Variants in ZNF518A observed in about 807,000 individuals in gnomAD.
The protein encoded by ZNF518A is zinc finger protein 518.
A neutral mutation model predicts 102.7 loss-of-function variants in ZNF518A; 47 were observed. That is an observed-to-expected ratio of 0.46 (90% CI 0.36 to 0.58). The LOEUF (loss-of-function observed/expected upper bound fraction) is 0.58. ZNF518A is among the 20% of genes least tolerant of loss of function. The probability of loss-of-function intolerance (pLI) is 0.00; values close to 1 mark genes in which losing one functional copy is unlikely to be tolerated. For synonymous variants in ZNF518A, 652 were observed against 594.6 expected, an observed-to-expected ratio of 1.10 and a Z score of -1.40; for missense variants, 1,793 against 1,699.8, an observed-to-expected ratio of 1.05 and a Z score of -0.96.
At chr10:96,143,933 C>G (rs1406307109) in intron 3 of ZNF518A, among the ~76,000 whole-genome samples, 11 of 152,184 alleles carry the variant, frequency 7.2e-5, no homozygotes, top group Non-Finnish European at 1.6e-4. Context: ...AGCATGAAAA[C>G]AAGGATCATT....
At chr10:96,186,257 G>A (rs1256295238) in intron 1 of ZNF518A, among the ~76,000 whole-genome samples, 2 of 152,178 alleles carry the variant, frequency 1.3e-5, no homozygotes, top group Non-Finnish European at 2.9e-5. Flanking sequence ...GATGAACCAG[G>A]TACCTCAATT....
chr10:96,163,867 A>T (rs917287046), downstream of ZNF518A: 2 of 166,328 alleles, frequency 1.2e-5, no homozygotes, highest in Non-Finnish European at 2.9e-5. Flanking sequence ...AACAAGCTTG[A>T]TAAGTTTCGT....
At chr10:96,164,485 G>A (rs1174821111), downstream of ZNF518A, among the ~76,000 whole-genome samples, 3 of 152,204 alleles carry the variant, frequency 2.0e-5, no homozygotes, top group Non-Finnish European at 4.4e-5. Context: ...CTGTAATGGA[G>A]AGTTGAAATG....
At chr10:96,191,235 CTTTTT>C (rs34920263) in intron 1 of ZNF518A, among the ~76,000 whole-genome samples, 3 of 130,266 alleles carry the variant, frequency 2.3e-5, no homozygotes, top group Admixed American at 7.8e-5. Context: ...CATTAAACCT[CTTTTT>C]TTTTTTTTTT....
rs1554882895 is a variant in ZNF518A at position 96,156,970 on chromosome 10, C to T, written c.648C>T (p.Thr216=). The change falls in exon 6 of 6, where the codon ACC becomes ACT. Residue 216 remains threonine (T), a synonymous_variant. Transcript: ENST00000316045. ...NFQCEKCKFS[T]QDVGTFVQHI... is the part of the protein sequence containing the mutation. ...AATGTGAAAAGTGTAAGTTCTCCACCCAGGATGTTGGCACATTTGTTCAGC... is the reference window on the plus strand; with the variant it reads ...AATGTGAAAAGTGTAAGTTCTCCACTCAGGATGTTGGCACATTTGTTCAGC... The T allele has an allele frequency of 1.5e-5, 24 of 1,613,824 alleles. No individual in the cohort carries two copies. The highest frequency in any genetic ancestry group is 1.9e-5 in the Non-Finnish European group (23 of 1,179,798).
intron 1 of ZNF518A, among the ~76,000 whole-genome samples, chr10:96,169,847 T>C (rs1210139363): frequency 1.3e-5 from 2 of 152,256 alleles, no homozygotes; most frequent in African/African-American, 2.4e-5. Context: ...TGTTGTCTAG[T>C]GACTTTTCTG....
downstream of ZNF518A, chr10:96,204,318 T>G: frequency 1.4e-6 from 1 of 704,258 alleles, no homozygotes; most frequent in Non-Finnish European, 2.4e-6. Context: ...TGTATTTTAG[T>G]CAAGTTCAAT....
chr10:96,143,066 G>T (rs1258484968), intron 3 of ZNF518A, among the ~76,000 whole-genome samples: 2 of 152,016 alleles, frequency 1.3e-5, no homozygotes, highest in Non-Finnish European at 2.9e-5. Flanking sequence ...CTTTGGCCTC[G>T]CAAAGTGTTG....
downstream of ZNF518A, chr10:96,204,857 C>G (rs587600973): frequency 6.4e-6 from 3 of 472,398 alleles, no homozygotes; most frequent in East Asian, 1.3e-4. Flanking sequence ...CATTCATCCA[C>G]TGGCAATGTA....
At position 96,159,634 on chromosome 10, in the gene ZNF518A, T is replaced by G. The variant is rs1554886373; in HGVS notation, c.3312T>G (p.Ala1104=). The G allele has an allele frequency of 6.2e-7, 1 of 1,613,856 alleles. No homozygotes were observed. The highest frequency in any genetic ancestry group is 1.1e-5 in the South Asian group (1 of 91,082). The change falls in exon 6 of 6, where the codon GCT becomes GCG. Residue 1104 remains alanine (A), a synonymous_variant. Coordinates refer to ENST00000316045, the MANE Select transcript of ZNF518A (RefSeq NM_001330736.2). ...CCTTCTTGCCTGATGGCAAACAAGC[T>G]GTTTTTTTAAAGTGTGTGATGCCAA... ...LYTFLPDGKQ[A]VFLKCVMPNK...
intron 3 of ZNF518A, among the ~76,000 whole-genome samples, chr10:96,144,329 A>C (rs2082073329): frequency 6.6e-6 from 1 of 152,184 alleles, no homozygotes; most frequent in African/African-American, 2.4e-5. Flanking sequence ...TGCTTGGAAT[A>C]AATACTGTTC....
At chr10:96,140,681 A>G (rs1273803965) in intron 3 of ZNF518A, among the ~76,000 whole-genome samples, 1 of 152,068 alleles carries the variant, frequency 6.6e-6, no homozygotes, top group Non-Finnish European at 1.5e-5. Flanking sequence ...CTGTAGTCTC[A>G]GCACTTTGGG....
chr10:96,191,997 C>T (rs868912080), intron 1 of ZNF518A: 1 of 1,613,552 alleles, frequency 6.2e-7, no homozygotes, highest in African/African-American at 1.3e-5. Context: ...CTGCATACTT[C>T]AGTCTGGTGG....
chr10:96,165,894 T>C (rs1386535260), downstream of ZNF518A, among the ~76,000 whole-genome samples: 1 of 152,144 alleles, frequency 6.6e-6, no homozygotes, highest in Non-Finnish European at 1.5e-5. Context: ...CACTAGGCTG[T>C]CTGCAAGCTA....
chr10:96,189,953 C>G, intron 1 of ZNF518A: 1 of 912,010 alleles, frequency 1.1e-6, no homozygotes, highest in East Asian at 2.4e-5. Context: ...TTCAAAGACC[C>G]CAAGGGAAAC....
At position 96,160,063 on chromosome 10, in the gene ZNF518A, A is replaced by G. The variant is rs1319353594; in HGVS notation, c.3741A>G (p.Arg1247=). The G allele has an allele frequency of 6.2e-7, 1 of 1,609,486 alleles. No individual in the cohort carries two copies. The highest frequency in any genetic ancestry group is 1.3e-5 in the African/African-American group (1 of 74,512). The change falls in exon 6 of 6, where the codon AGA becomes AGG. Residue 1247 remains arginine, a synonymous_variant. Coordinates refer to ENST00000316045, the MANE Select transcript of ZNF518A (RefSeq NM_001330736.2). ...TNCRIERNFN[R]KKTSKKIFSK... is the part of the protein sequence containing the mutation. ...GTAGAATTGAGAGGAACTTCAATAG[A>G]AAAAAGACTTCCAAAAAAATTTTTT...
chr10:96,171,702 T>C (rs1197454822), intron 1 of ZNF518A, among the ~76,000 whole-genome samples: 1 of 152,170 alleles, frequency 6.6e-6, no homozygotes, highest in Non-Finnish European at 1.5e-5. Flanking sequence ...ACATGTATAA[T>C]GTGGGACACC....
At chr10:96,192,632 A>G (rs1371729448) in intron 1 of ZNF518A, among the ~76,000 whole-genome samples, 3 of 152,186 alleles carry the variant, frequency 2.0e-5, no homozygotes, top group Non-Finnish European at 4.4e-5. Context: ...CTTAGAGTTA[A>G]CTTAGTGCCT....
rs782009842 is a variant in ZNF518A, at chr10:96,171,023, T to TA, written n.35+14989dup. ...AAACCAAAACCATGTGAGATACCAC[T>TA]AAAAAAAAAAAAACCCAGATGATGA... On this transcript the variant is annotated intron_variant and non_coding_transcript_variant, in intron 1 of 2. Coordinates refer to the ZNF518A transcript ENST00000442635. Among the ~76,000 whole-genome samples the TA allele has an allele frequency of 2.3e-3, 317 of 136,976 alleles. 1 individual carries two copies. The highest frequency in any genetic ancestry group is 3.7e-3 in the Middle Eastern group (1 of 270). The allele number at this position is 136,976 out of a possible 152,430, so 89.9% of individuals were successfully genotyped here.
Sources: allele counts gnomAD v4.1 joint callset (sites outside exome capture counted in the v4.1 genomes callset), GRCh38; gene constraint gnomAD v4.1.1; transcripts MANE v1.5; gene names NCBI Gene and HGNC (gene_info 2026-07-23, HGNC 2026-07-21).